REV3L: variants seen among roughly 807,000 people sequenced by gnomAD.
The protein encoded by REV3L is DNA polymerase zeta catalytic subunit.
REV3L carries 69 observed loss-of-function variants against 299.4 expected under a neutral mutation model. The ratio of observed to expected loss-of-function variants is 0.23; its 90% confidence interval spans 0.19 to 0.28. The LOEUF (loss-of-function observed/expected upper bound fraction) is 0.28, where lower values mean the gene tolerates loss of function less well. Ranked by LOEUF, REV3L falls within the 10% of genes least tolerant of loss-of-function variation. The probability of loss-of-function intolerance (pLI) is 1.00; values close to 1 mark genes in which losing one functional copy is unlikely to be tolerated. For missense variants in REV3L, 3,128 were observed against 3,693.8 expected, an observed-to-expected ratio of 0.85 and a Z score of 3.97; for synonymous variants, 1,238 against 1,271.4, an observed-to-expected ratio of 0.97 and a Z score of 0.56.
At chr6:111,393,657 T>C (rs1465237705) in intron 4 of REV3L, among the ~76,000 whole-genome samples, 1 of 152,152 alleles carries the variant, frequency 6.6e-6, no homozygotes, top group Non-Finnish European at 1.5e-5. Context: ...CCTGGAACCC[T>C]TCCCATACAC....
intron 4 of REV3L, among the ~76,000 whole-genome samples, chr6:111,401,276 A>T (rs1230944065): frequency 5.3e-5 from 8 of 152,202 alleles, no homozygotes; most frequent in Non-Finnish European, 1.2e-4. Context: ...CTTCACAAAG[A>T]TGGGAGAAAT....
chr6:111,464,382 T>C (rs954999057), intron 1 of REV3L, among the ~76,000 whole-genome samples: 7 of 152,096 alleles, frequency 4.6e-5, no homozygotes, highest in African/African-American at 7.2e-5. Context: ...CTTGGAAAAA[T>C]AGCCCTTGTT....
At chr6:111,450,716 A>T in intron 1 of REV3L, among the ~76,000 whole-genome samples, 1 of 152,128 alleles carries the variant, frequency 6.6e-6, no homozygotes, top group East Asian at 1.9e-4. Context: ...AAAGCTGTAC[A>T]TTTGGATAAT....
chr6:111,368,699 T>C (rs1335208282), intron 13 of REV3L, among the ~76,000 whole-genome samples: 1 of 152,096 alleles, frequency 6.6e-6, no homozygotes, highest in Non-Finnish European at 1.5e-5. Context: ...TCTGGTTTCA[T>C]TTCCAATAGT....
chr6:111,416,246 TA>T, intron 2 of REV3L, 36 bp downstream of exon 2: 2 of 1,406,094 alleles, frequency 1.4e-6, no homozygotes, highest in South Asian at 1.5e-5. Context: ...AATAGCAACA[TA>T]AACAGAAATT....
At chr6:111,363,719 A>G (rs1049463755) in intron 16 of REV3L, 134 bp downstream of exon 16, 4 of 802,002 alleles carry the variant, frequency 5.0e-6, no homozygotes, top group African/African-American at 3.5e-5. Flanking sequence ...TAGTAAAATG[A>G]GAACAAGATG....
intron 4 of REV3L, among the ~76,000 whole-genome samples, chr6:111,394,858 G>A (rs146696831): frequency 5.9e-5 from 9 of 151,658 alleles, no homozygotes; most frequent in Non-Finnish European, 1.3e-4. Context: ...ATGCACCATC[G>A]TGACTGGCTA....
Position 111,462,792 on chromosome 6 carries a change from C to T in REV3L, c.139+19958G>A, listed in dbSNP as rs182258916. On this transcript the variant is annotated intron_variant, in intron 1 of 31. Coordinates refer to ENST00000368802, the MANE Select transcript of REV3L (RefSeq NM_001372078.1). ...TATTTATAATTTAAAATTCTTATGACGAATAAATAGTAAATATAGATTCAC... is the reference window on the plus strand; with the variant it reads ...TATTTATAATTTAAAATTCTTATGATGAATAAATAGTAAATATAGATTCAC... Among the ~76,000 whole-genome samples the T allele has an allele frequency of 5.9e-5, 9 of 151,886 alleles. No individual in the cohort carries two copies. In the South Asian group the frequency reaches 6.2e-4, roughly 11 times the overall value.
At chr6:111,437,951 C>T (rs1213582435) in intron 1 of REV3L, among the ~76,000 whole-genome samples, 1 of 151,968 alleles carries the variant, frequency 6.6e-6, no homozygotes, top group South Asian at 2.1e-4. Flanking sequence ...CCACCTGGCT[C>T]TAGTGATCTT....
chr6:111,411,446 G>A (rs778664656), intron 3 of REV3L, 34 bp downstream of exon 3: 1 of 1,270,084 alleles, frequency 7.9e-7, no homozygotes, highest in South Asian at 1.4e-5. Context: ...TTCAATGATA[G>A]TTATTCATAT....
intron 1 of REV3L, among the ~76,000 whole-genome samples, chr6:111,423,055 C>A (rs1005217663): frequency 1.3e-5 from 2 of 151,970 alleles, no homozygotes; most frequent in African/African-American, 4.8e-5. Context: ...ATAGTTGGTT[C>A]CTTTATTCAT....
chr6:111,471,918 G>T, intron 1 of REV3L: 1 of 573,698 alleles, frequency 1.7e-6, no homozygotes, highest in Non-Finnish European at 2.4e-6. Flanking sequence ...TATTTAAGTT[G>T]TTAGTTAAGG....
chr6:111,414,529 T>C (rs1252817214), intron 2 of REV3L, among the ~76,000 whole-genome samples: 1 of 152,136 alleles, frequency 6.6e-6, no homozygotes, highest in African/African-American at 2.4e-5. Context: ...ATAAGAGTAC[T>C]TCTGCTGCTC....
At chr6:111,438,702 G>A (rs1582996106) in intron 1 of REV3L, among the ~76,000 whole-genome samples, 1 of 152,114 alleles carries the variant, frequency 6.6e-6, no homozygotes, top group African/African-American at 2.4e-5. Context: ...ATGAATTAAA[G>A]AAAGGTTTTC....
At chr6:111,325,334 TA>T in intron 25 of REV3L, among the ~76,000 whole-genome samples, 1 of 152,354 alleles carries the variant, frequency 6.6e-6, no homozygotes, top group South Asian at 2.1e-4. Context: ...AATTTTAATT[TA>T]TGAAGTAAGT....
intron 1 of REV3L, among the ~76,000 whole-genome samples, chr6:111,470,715 C>G (rs1792096786): frequency 6.6e-6 from 1 of 152,182 alleles, no homozygotes; most frequent in African/African-American, 2.4e-5. Flanking sequence ...GGTGATGGCT[C>G]ACGCCTGTAA....
Position 111,376,486 on chromosome 6 carries a change from A to G in REV3L, c.1869T>C (p.Tyr623=), listed in dbSNP as rs372852921. Residue 623 remains tyrosine (Y), a synonymous_variant, in exon 13 of 32, where the codon TAT becomes TAC. Transcript: ENST00000368802. ...SVTSFTNEST[Y]SMKYPGSLSS... ...TTAAAGATCCAGGGTATTTCATAGA[A>G]TAAGTGCTTTCGTTTGTAAAAGAAG... 1 of 1,613,540 alleles carries G rather than the reference A, an allele frequency of 6.2e-7. No homozygotes were observed. Among genetic ancestry groups the G allele is most frequent in the Non-Finnish European group, 8.5e-7 (1 of 1,179,832 alleles).
chr6:111,340,423 A>G (rs1284092369), intron 21 of REV3L, among the ~76,000 whole-genome samples: 1 of 152,152 alleles, frequency 6.6e-6, no homozygotes, highest in Admixed American at 6.5e-5. Flanking sequence ...ATGTGTTCTA[A>G]GCTTGAAACA....
intron 20 of REV3L, 41 bp downstream of exon 20, chr6:111,349,177 A>T: frequency 1.0e-6 from 1 of 998,580 alleles, no homozygotes; most frequent in Non-Finnish European, 1.6e-6. Flanking sequence ...ATATTGACCG[A>T]ATATCTTATT....
Sources: allele counts gnomAD v4.1 joint callset (sites outside exome capture counted in the v4.1 genomes callset), GRCh38; gene constraint gnomAD v4.1.1; transcripts MANE v1.5; gene names NCBI Gene and HGNC (gene_info 2026-07-23, HGNC 2026-07-21).